SMC5: variants seen among roughly 807,000 people sequenced by gnomAD.
The protein encoded by SMC5 is structural maintenance of chromosomes 5.
A neutral mutation model predicts 148.3 loss-of-function variants in SMC5; 88 were observed. The observed-to-expected ratio is 0.59, with a 90% CI of 0.50 to 0.71. The LOEUF (loss-of-function observed/expected upper bound fraction) is 0.71. Ranked by LOEUF, SMC5 falls within the 30% of genes least tolerant of loss-of-function variation. The probability of loss-of-function intolerance (pLI) is 0.00; values close to 1 mark genes in which losing one functional copy is unlikely to be tolerated. For synonymous variants in SMC5, 421 were observed against 432.8 expected, an observed-to-expected ratio of 0.97 and a Z score of 0.34; for missense variants, 1,142 against 1,298.9, an observed-to-expected ratio of 0.88 and a Z score of 1.86.
chr9:70,298,334 G>C (rs2035262439), intron 9 of SMC5, 113 bp downstream of exon 9: 6 of 1,188,516 alleles, frequency 5.0e-6, no homozygotes, highest in Admixed American at 2.8e-5. Flanking sequence ...TTGCCTTCTT[G>C]AGGAAGCTCA....
chr9:70,323,953 A>G, intron 16 of SMC5, 68 bp from the exon 17 acceptor site: 1 of 1,352,522 alleles, frequency 7.4e-7, no homozygotes, highest in Non-Finnish European at 9.9e-7. Flanking sequence ...GTTTTAAAAA[A>G]CTATACATTT....
intron 8 of SMC5, among the ~76,000 whole-genome samples, chr9:70,296,167 G>C (rs1049898851): frequency 9.2e-5 from 14 of 152,240 alleles, no homozygotes; most frequent in Admixed American, 8.5e-4. Flanking sequence ...CCATATCAGA[G>C]AACATTATGC....
intron 5 of SMC5, among the ~76,000 whole-genome samples, chr9:70,280,366 T>A (rs1279334765): frequency 6.6e-6 from 1 of 152,232 alleles, no homozygotes; most frequent in Non-Finnish European, 1.5e-5. Flanking sequence ...CTAATCCTAG[T>A]ATTACTATTT....
chr9:70,280,715 C>A (rs771009312), intron 5 of SMC5, 44 bp from the exon 6 acceptor site: 1 of 1,556,128 alleles, frequency 6.4e-7, no homozygotes, highest in Non-Finnish European at 8.7e-7. Flanking sequence ...GACCTGTTGT[C>A]ATTTTTTCTG....
In SMC5 at chr9:70,353,714, T is replaced by C. The variant is rs60551452; in HGVS notation, c.*1383T>C. ...AAGGTATTTTCTTCTTTATAAACAT[T>C]TTAAAAGAGCCTTCCCTTCTTAAAC... is the stretch of plus-strand genomic sequence containing the variant. On this transcript the variant is annotated 3_prime_UTR_variant, in exon 25 of 25. Coordinates refer to ENST00000361138, the MANE Select transcript of SMC5 (RefSeq NM_015110.4). 1 of 152,210 alleles carries C rather than the reference T, an allele frequency of 6.6e-6. No individual in the cohort carries two copies. The highest frequency in any genetic ancestry group is 2.1e-4 in the South Asian group (1 of 4,834). The allele number at this position is 152,210 out of a possible 1,614,324, so 9.4% of individuals were successfully genotyped here.
chr9:70,280,773 GA>G lies in SMC5; in HGVS notation c.697del (p.Thr233LeufsTer28). 1 of 1,612,380 alleles carries G rather than the reference GA, an allele frequency of 6.2e-7. No individual in the cohort carries two copies. Among genetic ancestry groups the G allele is most frequent in the Non-Finnish European group, 8.5e-7 (1 of 1,179,520 alleles). ...ATTTATTGTAGACCTCATGCAAAGA[GA>G]AAACTGAGTATCTACAGAAAATGGT... ...EKQLETSCKE[K>X]TEYLQKMVQR... On this transcript the variant is annotated frameshift_variant, in exon 6 of 25. Transcript: ENST00000361138. LOFTEE classifies it high-confidence loss of function.
chr9:70,292,240 G>A (rs572660153), intron 8 of SMC5, among the ~76,000 whole-genome samples: 6 of 152,178 alleles, frequency 3.9e-5, no homozygotes, highest in African/African-American at 1.4e-4. Context: ...GATTTTAATA[G>A]GAATTTCATT....
rs552412801 is a variant in SMC5 at position 70,266,278 on chromosome 9, G to A, written c.328-1645G>A. Among the ~76,000 whole-genome samples, 181 of 152,096 alleles carry A rather than the reference G, an allele frequency of 1.2e-3. 2 individuals are homozygous for A. Among genetic ancestry groups the A allele is most frequent in the Non-Finnish European group, 1.6e-3 (107 of 67,964 alleles). Reference sequence around the variant, plus strand: ...GTGTGTGTGTGTTTAGTGCTATATGGAAGACATTTATCAGGTAGAAGATAC... The same window carrying A: ...GTGTGTGTGTGTTTAGTGCTATATGAAAGACATTTATCAGGTAGAAGATAC... On this transcript the variant is annotated intron_variant, in intron 2 of 24. Transcript: ENST00000361138.
Position 70,353,015 on chromosome 9 carries a change from C to T in SMC5, c.*684C>T, listed in dbSNP as rs779893506. 1 of 151,534 alleles carries T rather than the reference C, an allele frequency of 6.6e-6. No individual in the cohort carries two copies. Among genetic ancestry groups the T allele is most frequent in the Non-Finnish European group, 1.5e-5 (1 of 67,926 alleles). The allele number at this position is 151,534 out of a possible 1,614,324, so 9.4% of individuals were successfully genotyped here. A position where few individuals can be genotyped will look rare whatever the true frequency, so the allele number is the denominator to read the frequency against. ...GGCCACTAGATGATGCAAAATACAACCAAAAGATTGACTGAGAATAAAATT... is the reference window on the plus strand; with the variant it reads ...GGCCACTAGATGATGCAAAATACAATCAAAAGATTGACTGAGAATAAAATT... On this transcript the variant is annotated 3_prime_UTR_variant, in exon 25 of 25. Coordinates refer to ENST00000361138, the MANE Select transcript of SMC5 (RefSeq NM_015110.4).
intron 8 of SMC5, among the ~76,000 whole-genome samples, chr9:70,294,071 G>A (rs1014343328): frequency 1.3e-5 from 2 of 152,074 alleles, no homozygotes; most frequent in Admixed American, 6.5e-5. Context: ...ATTCTACAAA[G>A]CAAAGCAGAA....
intron 17 of SMC5, among the ~76,000 whole-genome samples, chr9:70,332,284 G>C (rs1461782725): frequency 6.6e-6 from 1 of 152,030 alleles, no homozygotes; most frequent in South Asian, 2.1e-4. Context: ...ACTTTGGGAG[G>C]CCGAGGCAGG....
chr9:70,354,609 T>C lies in SMC5; in HGVS notation c.*2278T>C, dbSNP rs938922852. 5.3e-5 allele frequency: 8 copies of C among 152,336 alleles called. No homozygotes were observed. Among genetic ancestry groups the C allele is most frequent in the African/African-American group, 1.9e-4 (8 of 41,588 alleles). 9.4% of individuals were successfully genotyped at this position (152,336 alleles called of 1,614,324 possible). A position where few individuals can be genotyped will look rare whatever the true frequency, so the allele number is the denominator to read the frequency against. On this transcript the variant is annotated 3_prime_UTR_variant, in exon 25 of 25. Transcript: ENST00000361138. ...TGAATACAGTTATATTTAAAAACCT[T>C]AAGGTGACAAGCATTTTCTATGCCT...
chr9:70,335,241 C>G (rs2036327954), intron 17 of SMC5, among the ~76,000 whole-genome samples: 1 of 152,154 alleles, frequency 6.6e-6, no homozygotes, highest in Middle Eastern at 3.2e-3. Context: ...CCTATAATCC[C>G]AGCACTTTAG....
At chr9:70,330,621 C>A (rs1564064626) in intron 17 of SMC5, among the ~76,000 whole-genome samples, 1 of 149,746 alleles carries the variant, frequency 6.7e-6, no homozygotes, top group Non-Finnish European at 1.5e-5. Context: ...CAGCTCACTG[C>A]AACCTCCGCC....
intron 3 of SMC5, among the ~76,000 whole-genome samples, chr9:70,274,596 A>T (rs1396824845): frequency 2.0e-5 from 3 of 152,010 alleles, no homozygotes; most frequent in Non-Finnish European, 2.9e-5. Flanking sequence ...TAAGTAAAGC[A>T]TATAATCAAT....
chr9:70,288,313 A>G (rs972925419), intron 8 of SMC5, among the ~76,000 whole-genome samples: 1 of 152,086 alleles, frequency 6.6e-6, no homozygotes, highest in Non-Finnish European at 1.5e-5. Flanking sequence ...AAATAATTTA[A>G]TACTCTTGGA....
At position 70,347,041 on chromosome 9, in the gene SMC5, T is replaced by C. The variant is rs142743318; in HGVS notation, c.2569-25T>C. The C allele has an allele frequency of 5.2e-4, 810 of 1,560,758 alleles. 3 individuals carry two copies. The African/African-American group carries it at 9.7e-3, about 19-fold the overall frequency. On this transcript the variant is annotated intron_variant, in intron 19 of 24. Transcript: ENST00000361138. ...AATGGAACTGTTTTCATTGTATCTATAATGACGGGCAATTTTTTTCTTAGG... is the reference window on the plus strand; with the variant it reads ...AATGGAACTGTTTTCATTGTATCTACAATGACGGGCAATTTTTTTCTTAGG...
chr9:70,322,484 C>T (rs2035974062), intron 15 of SMC5, among the ~76,000 whole-genome samples: 1 of 152,184 alleles, frequency 6.6e-6, no homozygotes, highest in Admixed American at 6.5e-5. Context: ...GTATTTAATT[C>T]ATCCAAAAGA....
At chr9:70,347,585 T>C in intron 20 of SMC5, 28 bp from the exon 21 acceptor site, 2 of 1,246,498 alleles carry the variant, frequency 1.6e-6, no homozygotes, top group South Asian at 2.7e-5. Flanking sequence ...TAGATTTATC[T>C]TAAAGAAGTT....
Sources: gnomAD v4.1 joint callset for allele counts (sites outside exome capture counted in the v4.1 genomes callset) on GRCh38, gnomAD v4.1.1 for gene constraint, MANE v1.5 for transcripts, NCBI Gene and HGNC (gene_info 2026-07-23, HGNC 2026-07-21) for gene names.